Variants in ETAA1 observed in about 807,000 individuals in gnomAD.
ETAA1 encodes ETAA1 activator of ATR kinase, also known as ewing's tumor-associated antigen 1.
In ETAA1, 49 loss-of-function variants were observed where a neutral mutation model predicts 76.8. The ratio of observed to expected loss-of-function variants is 0.64; its 90% confidence interval spans 0.51 to 0.81. The LOEUF is 0.81. Among genes scored for constraint, ETAA1 ranks in the 30% least tolerant of loss-of-function variants. ETAA1 has a pLI of 0.00. For synonymous variants in ETAA1, 373 were observed against 372.2 expected (o/e 1.00, Z -0.03); for missense variants, 1,099 against 1,074.0 (o/e 1.02, Z -0.32).
intron 4 of ETAA1, 49 bp from the exon 5 acceptor site, chr2:67,403,176 A>C (rs13009070): frequency 0.089 from 113,645 of 1,279,432 alleles, 5,631 homozygotes; most frequent in Middle Eastern, 0.13. Context: ...TAACAGTTGG[A>C]TATAATGTTT....
In ETAA1 at chr2:67,397,336, G is replaced by T. The variant is rs933119054; in HGVS notation, c.-113G>T. ...GGCCGCCTCTTGCGCGCGCCCCACC[G>T]ACCAAAATGGCGGCTGCCGTTGGTG... On this transcript the variant is annotated 5_prime_UTR_variant, in exon 1 of 6. Transcript: ENST00000272342. 1.7e-6 allele frequency: 2 copies of T among 1,186,052 alleles called. No homozygotes were observed. Among genetic ancestry groups the T allele is most frequent in the Non-Finnish European group, 2.4e-6 (2 of 817,022 alleles). The allele number at this position is 1,186,052 out of a possible 1,614,324, so 73.5% of individuals were successfully genotyped here.
In ETAA1 at chr2:67,405,291, A is replaced by C; in HGVS notation, c.2609A>C (p.Gln870Pro). 1 of 1,565,216 alleles carries C rather than the reference A, an allele frequency of 6.4e-7. No homozygotes were observed. The highest frequency in any genetic ancestry group is 8.6e-7 in the Non-Finnish European group (1 of 1,159,504). Residue 870 changes from glutamine to proline, a missense_variant, in exon 5 of 6, where the codon CAA (glutamine) becomes CCA (proline). Physicochemically the swap from Gln to Pro is moderately conservative, Grantham distance 76 (BLOSUM62 -1). Around this residue, in one of 3 missense-constraint regions of ETAA1, gnomAD observed 302 missense variants for 278.1 expected, o/e 1.09. Transcript: ENST00000272342. ...NPLLEEAVGQ[Q>P]SLVKLSESLK... ...TTACTGGAGGAAGCTGTTGGACAGC[A>C]ATCTTTGGTGAAACTTTCTGAATCT...
Position 67,404,722 on chromosome 2 carries a change from T to A in ETAA1, c.2040T>A (p.Phe680Leu). 6.2e-7 allele frequency: 1 copy of A among 1,613,514 alleles called. No homozygotes were observed. The highest frequency in any genetic ancestry group is 8.5e-7 in the Non-Finnish European group (1 of 1,179,586). Residue 680 changes from phenylalanine to leucine, a missense_variant, in exon 5 of 6, where the codon TTT becomes TTA. Phe to Leu is a conservative substitution (Grantham distance 22, BLOSUM62 0). This residue lies in a region of ETAA1 where 302 missense variants were observed against 278.1 expected (regional missense o/e 1.09). Coordinates refer to ENST00000272342, the MANE Select transcript of ETAA1 (RefSeq NM_019002.4). ...NNSEHGAKNM[F>L]AISKQGSNLV... is the part of the protein sequence containing the mutation. ...CCGAACATGGAGCCAAAAACATGTT[T>A]GCTATATCTAAACAAGGAAGTAATT...
rs989916828 is a variant in ETAA1 at position 67,410,211 on chromosome 2, G to C, written c.*173G>C. On this transcript the variant is annotated 3_prime_UTR_variant, in exon 6 of 6. Transcript: ENST00000272342. ...CAATGGTAAATGAAACATTTCCTTG[G>C]ACATGTATTTGAAAGTCATTAAATA... 3.2e-5 allele frequency: 20 copies of C among 628,872 alleles called. No homozygotes were observed. Among genetic ancestry groups the C allele is most frequent in the Non-Finnish European group, 5.3e-5 (20 of 377,818 alleles). The allele number at this position is 628,872 out of a possible 1,614,324, so 39.0% of individuals were successfully genotyped here. A position where few individuals can be genotyped will look rare whatever the true frequency, so the allele number is the denominator to read the frequency against.
chr2:67,403,654 C>T lies in ETAA1; in HGVS notation c.972C>T (p.Ile324=). The change falls in exon 5 of 6, where the codon ATC becomes ATT. Residue 324 remains isoleucine, a synonymous_variant. Transcript: ENST00000272342. Reference sequence around the variant, plus strand: ...CAAATGCTTTGAAAGAGGAGAAAATCATTACTAATGAAACTCTGGTCATTG... The same window carrying T: ...CAAATGCTTTGAAAGAGGAGAAAATTATTACTAATGAAACTCTGGTCATTG... ...VKTNALKEEK[I]ITNETLVIEK... 1 of 1,613,296 alleles carries T rather than the reference C, an allele frequency of 6.2e-7. No homozygotes were observed. The highest frequency in any genetic ancestry group is 8.5e-7 in the Non-Finnish European group (1 of 1,179,432).
chr2:67,410,852 T>C lies in ETAA1; in HGVS notation c.*814T>C, dbSNP rs760917437. On this transcript the variant is annotated 3_prime_UTR_variant, in exon 6 of 6. Transcript: ENST00000272342. ...ATTTATTTGGACACCTAAACAATTA[T>C]ACTATTTGTTTCAAAGTATCAGTAC... The C allele has an allele frequency of 1.5e-4, 23 of 152,080 alleles. No individual in the cohort carries two copies. The highest frequency in any genetic ancestry group is 3.2e-3 in the Middle Eastern group (1 of 316). The allele number at this position is 152,080 out of a possible 1,614,324, so 9.4% of individuals were successfully genotyped here.
chr2:67,406,908 AATTTAACTGTT>A (rs1477101127), intron 5 of ETAA1, among the ~76,000 whole-genome samples: 1 of 152,086 alleles, frequency 6.6e-6, no homozygotes, highest in Non-Finnish European at 1.5e-5. Context: ...GATGTATCAT[AATTTAACTGTT>A]TCTCTGTGAT....
At chr2:67,409,753 G>T (rs554413731) in intron 5 of ETAA1, among the ~76,000 whole-genome samples, 158 bp from the exon 6 acceptor site, 143 of 151,954 alleles carry the variant, frequency 9.4e-4, no homozygotes, top group Non-Finnish European at 1.5e-3. Flanking sequence ...CATTATATCT[G>T]TATTATGTAC....
rs1222993554 is a variant in ETAA1 at position 67,411,767 on chromosome 2, A to G, written c.*1729A>G. 2 of 152,078 alleles carry G rather than the reference A, an allele frequency of 1.3e-5. No individual in the cohort carries two copies. The highest frequency in any genetic ancestry group is 1.3e-4 in the Admixed American group (2 of 15,250). The allele number at this position is 152,078 out of a possible 1,614,324, so 9.4% of individuals were successfully genotyped here. A position where few individuals can be genotyped will look rare whatever the true frequency, so the allele number is the denominator to read the frequency against. On this transcript the variant is annotated 3_prime_UTR_variant, in exon 6 of 6. Coordinates refer to ENST00000272342, the MANE Select transcript of ETAA1 (RefSeq NM_019002.4). ...GCTAACCTATATTATTTTTCCAGGA[A>G]TATATAATAACCTAGATAAATGCAA...
At position 67,399,164 on chromosome 2, in the gene ETAA1, T is replaced by C. The variant is rs1290460358; in HGVS notation, c.224-5T>C. ...CAATTGTTATTTTACTCATATTTTA[T>C]ATAGAAAGGTATGAAACACCAAAGA... is the stretch of plus-strand genomic sequence containing the variant. On this transcript the variant is annotated splice_polypyrimidine_tract_variant and splice_region_variant and intron_variant, in intron 1 of 5. Transcript: ENST00000272342. 6.2e-7 allele frequency: 1 copy of C among 1,604,402 alleles called. No individual in the cohort carries two copies. The highest frequency in any genetic ancestry group is 1.3e-5 in the African/African-American group (1 of 74,322).
At chr2:67,407,279 C>CTCA (rs1159804581) in intron 5 of ETAA1, among the ~76,000 whole-genome samples, 13 of 149,670 alleles carry the variant, frequency 8.7e-5, no homozygotes, top group Non-Finnish European at 3.0e-5. Context: ...ACAAAAGAAT[C>CTCA]TCATAATGTT....
In ETAA1 at chr2:67,409,997, C is replaced by A. The variant is rs368100435; in HGVS notation, c.2740C>A (p.Arg914=). The change falls in exon 6 of 6, where the codon CGA becomes AGA. Residue 914 remains arginine, a synonymous_variant. Transcript: ENST00000272342. ...ACTGGTTCGGAGAATGGCTAAAGCA[C>A]GAGCCTCATCTGTAAATGCAGCTCC... The part of the protein sequence containing the change: ...EALVRRMAKA[R]ASSVNAAPTS... The A allele has an allele frequency of 5.3e-5, 85 of 1,609,162 alleles. 1 individual carries two copies. Among genetic ancestry groups the A allele is most frequent in the Non-Finnish European group, 5.8e-5 (68 of 1,178,082 alleles).
rs1486895186 is a variant in ETAA1 at position 67,397,521 on chromosome 2, G to A, written c.73G>A (p.Glu25Lys). Residue 25 changes from glutamate to lysine, a missense_variant, in exon 1 of 6, where the codon GAA becomes AAA. Glu to Lys is a moderately conservative substitution (Grantham distance 56, BLOSUM62 1). This residue lies in a region of ETAA1 where 761 missense variants were observed against 731.9 expected (regional missense o/e 1.04). Coordinates refer to ENST00000272342, the MANE Select transcript of ETAA1 (RefSeq NM_019002.4). The stretch of plus-strand genomic sequence containing the variant: ...GCCGCACAAAACAGTGGCGGCGGAG[G>A]AATGCGGCTCGGTGGTCGAGCCAGG... Reference protein sequence around the residue: ...KTPHKTVAAEECGSVVEPGRR... With the variant: ...KTPHKTVAAEKCGSVVEPGRR... The A allele has an allele frequency of 2.5e-6, 4 of 1,596,512 alleles. No homozygotes were observed. The highest frequency in any genetic ancestry group is 2.3e-5 in the East Asian group (1 of 44,054).
At chr2:67,408,663 C>CTGA (rs1480428750) in intron 5 of ETAA1, among the ~76,000 whole-genome samples, 15 of 152,112 alleles carry the variant, frequency 9.9e-5, no homozygotes, top group African/African-American at 3.6e-4. Context: ...AAAGGAAAGA[C>CTGA]TGATGGGAAA....
chr2:67,410,174 A>C lies in ETAA1; in HGVS notation c.*136A>C. ...GCCTGGACTTCTACTTTATTTAATA[A>C]ATCAATGTTTGCAATGGTAAATGAA... On this transcript the variant is annotated 3_prime_UTR_variant, in exon 6 of 6. Transcript: ENST00000272342. 1 of 787,850 alleles carries C rather than the reference A, an allele frequency of 1.3e-6. No homozygotes were observed. Among genetic ancestry groups the C allele is most frequent in the Non-Finnish European group, 2.1e-6 (1 of 486,768 alleles). The allele number at this position is 787,850 out of a possible 1,614,324, so 48.8% of individuals were successfully genotyped here.
chr2:67,405,471 G>T (rs181566339), intron 5 of ETAA1, 136 bp downstream of exon 5: 1 of 619,838 alleles, frequency 1.6e-6, no homozygotes, highest in Non-Finnish European at 2.6e-6. Context: ...GAATTAACTA[G>T]AATTCTTAAA....
chr2:67,400,490 A>C (rs537818015), intron 3 of ETAA1: 1 of 151,970 alleles, frequency 6.6e-6, no homozygotes, highest in African/African-American at 2.4e-5. Context: ...CTGTTCTTTT[A>C]TTGTTTGAGT....
chr2:67,404,571 G>A lies in ETAA1; in HGVS notation c.1889G>A (p.Ser630Asn). ...LTQQQDIRKD[S>N]KTSESICEIN... is the part of the protein sequence containing the mutation. ...CAGCAACAAGACATTAGAAAGGACAGTAAGACATCAGAAAGTATATGTGAG... is the reference window on the plus strand; with the variant it reads ...CAGCAACAAGACATTAGAAAGGACAATAAGACATCAGAAAGTATATGTGAG... The change falls in exon 5 of 6, where the codon AGT becomes AAT. Residue 630 changes from serine to asparagine, a missense_variant. Coordinates refer to ENST00000272342, the MANE Select transcript of ETAA1 (RefSeq NM_019002.4). 1 of 1,613,364 alleles carries A rather than the reference G, an allele frequency of 6.2e-7. No individual in the cohort carries two copies. Among genetic ancestry groups the A allele is most frequent in the South Asian group, 1.1e-5 (1 of 91,062 alleles).
At chr2:67,401,554 G>GA (rs1307888577) in intron 3 of ETAA1, 1 of 151,754 alleles carries the variant, frequency 6.6e-6, no homozygotes, top group African/African-American at 2.4e-5. Context: ...GATTATGGTT[G>GA]AAAATCAATA....
Sources: allele counts gnomAD v4.1 joint callset (sites outside exome capture counted in the v4.1 genomes callset), GRCh38; gene constraint gnomAD v4.1.1; regional missense constraint gnomAD v4.1.1; transcripts MANE v1.5; gene names NCBI Gene and HGNC (gene_info 2026-07-23, HGNC 2026-07-21).